Variants in POC1A observed in about 807,000 individuals in gnomAD.
POC1A encodes POC1 centriolar protein homolog A.
Under a neutral mutation model 47.8 loss-of-function variants are expected in POC1A, and 34 were observed. That is an observed-to-expected ratio of 0.71 (90% CI 0.54 to 0.95). The LOEUF (loss-of-function observed/expected upper bound fraction) is 0.95, where lower values mean the gene tolerates loss of function less well. Among genes scored for constraint, POC1A ranks in the 40% least tolerant of loss-of-function variants. The pLI, the probability that POC1A is intolerant of heterozygous loss-of-function variation, is 0.00. For synonymous variants in POC1A, 177 were observed against 207.6 expected (o/e 0.85, Z 1.27); for missense variants, 466 against 528.3 (o/e 0.88, Z 1.16).
chr3:52,076,420 A>C (rs963086303), intron 10 of POC1A, among the ~76,000 whole-genome samples: 1 of 152,202 alleles, frequency 6.6e-6, no homozygotes, highest in African/African-American at 2.4e-5. Flanking sequence ...TCCAGAGGTG[A>C]GAAAATTGCA....
rs146828889 is a variant in POC1A, at chr3:52,115,037, C to T, written c.981+7342G>A. Among the ~76,000 whole-genome samples the T allele has an allele frequency of 1.9e-3, 293 of 152,322 alleles. 2 individuals are homozygous for T. The highest frequency in any genetic ancestry group is 6.5e-3 in the African/African-American group (270 of 41,578). On this transcript the variant is annotated intron_variant, in intron 9 of 10. Coordinates refer to ENST00000296484, the MANE Select transcript of POC1A (RefSeq NM_015426.5). ...GCCCAAGGGCACGGGCAGCTTGAGG[C>T]GTCGGGGGTTTGGGCTCCATGAAGC...
In POC1A at chr3:52,075,480, T is replaced by C. The variant is rs78322606; in HGVS notation, c.*407A>G. The C allele has an allele frequency of 6.5e-3, 1,133 of 174,588 alleles. 18 individuals are homozygous for C. Among genetic ancestry groups the C allele is most frequent in the African/African-American group, 0.025 (1,068 of 42,628 alleles). The allele number at this position is 174,588 out of a possible 1,614,324, so 10.8% of individuals were successfully genotyped here. Reference sequence around the variant, plus strand: ...CTCATCCAATCAATGTGCAATCAATTTCTACACCATGGCAGAGGTAGGAAA... The same window carrying C: ...CTCATCCAATCAATGTGCAATCAATCTCTACACCATGGCAGAGGTAGGAAA... On this transcript the variant is annotated 3_prime_UTR_variant, in exon 11 of 11. Transcript: ENST00000296484.
At chr3:52,114,948 G>A (rs1703509806) in intron 9 of POC1A, among the ~76,000 whole-genome samples, 1 of 152,182 alleles carries the variant, frequency 6.6e-6, no homozygotes, top group Non-Finnish European at 1.5e-5. Flanking sequence ...CAGCCAAAGG[G>A]TGTGAGCAAA....
intron 6 of POC1A, among the ~76,000 whole-genome samples, chr3:52,142,632 G>A (rs1013628402): frequency 1.3e-5 from 2 of 152,206 alleles, no homozygotes; most frequent in Admixed American, 6.5e-5. Context: ...ACACCCGAAG[G>A]CCATTCTGGA....
intron 10 of POC1A, among the ~76,000 whole-genome samples, chr3:52,091,834 G>A (rs984049316): frequency 6.6e-6 from 1 of 152,188 alleles, no homozygotes; most frequent in East Asian, 1.9e-4. Flanking sequence ...AGTTAACCAA[G>A]AGCCGCACAG....
chr3:52,100,682 G>A (rs1045499369), intron 9 of POC1A, among the ~76,000 whole-genome samples: 1 of 152,070 alleles, frequency 6.6e-6, no homozygotes, highest in East Asian at 1.9e-4. Context: ...GAACCCCCAG[G>A]TGCCACAGAC....
chr3:52,133,815 G>T (rs1315163274), intron 7 of POC1A, among the ~76,000 whole-genome samples: 1 of 152,158 alleles, frequency 6.6e-6, no homozygotes, highest in Non-Finnish European at 1.5e-5. Flanking sequence ...GAGCCCCCAT[G>T]CCCAGGTCAA....
intron 7 of POC1A, among the ~76,000 whole-genome samples, chr3:52,128,124 G>C (rs965359399): frequency 1.3e-5 from 2 of 152,224 alleles, no homozygotes; most frequent in African/African-American, 4.8e-5. Context: ...CCAGTACATG[G>C]AATGTCAAAA....
chr3:52,143,430 C>T (rs916903634), intron 6 of POC1A, among the ~76,000 whole-genome samples: 27 of 152,180 alleles, frequency 1.8e-4, no homozygotes, highest in African/African-American at 1.4e-4. Flanking sequence ...CAACCCTCTT[C>T]ACAAGACCCC....
chr3:52,102,209 T>C (rs781624498), intron 9 of POC1A, among the ~76,000 whole-genome samples: 1 of 152,224 alleles, frequency 6.6e-6, no homozygotes, highest in Non-Finnish European at 1.5e-5. Context: ...ATCTTTTCAA[T>C]AGCACCAAAA....
Position 52,079,857 on chromosome 3 carries a change from C to T in POC1A, c.1126-3872G>A, listed in dbSNP as rs1381024256. ...TCCACAGTGCGGCCCCTTCTGTCTG[C>T]TGACCTTGGAGAAACCAGGCAGCTC... On this transcript the variant is annotated intron_variant, in intron 10 of 10. Transcript: ENST00000296484. This position sits in a 1 kb window ranked among gnomAD's most constrained non-coding sequence, Gnocchi z 4.6. Among the ~76,000 whole-genome samples, 1 of 152,222 alleles carries T rather than the reference C, an allele frequency of 6.6e-6. No individual in the cohort carries two copies. The highest frequency in any genetic ancestry group is 2.4e-5 in the African/African-American group (1 of 41,448).
chr3:52,098,842 C>A (rs1242472622), intron 9 of POC1A, among the ~76,000 whole-genome samples: 8 of 152,180 alleles, frequency 5.3e-5, no homozygotes, highest in Non-Finnish European at 1.2e-4. Context: ...ATACGTGTAA[C>A]CTCACTTCAT....
intron 7 of POC1A, among the ~76,000 whole-genome samples, chr3:52,126,768 G>T (rs532607880): frequency 1.3e-5 from 2 of 152,138 alleles, no homozygotes; most frequent in Admixed American, 6.5e-5. Context: ...AAAGAAAAGC[G>T]GGCCAAAGTC....
chr3:52,105,831 G>T (rs1289179277), intron 9 of POC1A, among the ~76,000 whole-genome samples: 1 of 152,214 alleles, frequency 6.6e-6, no homozygotes, highest in Non-Finnish European at 1.5e-5. Context: ...CATCTAGGGG[G>T]TATGAACATG....
chr3:52,099,908 G>A (rs562430162), intron 9 of POC1A, among the ~76,000 whole-genome samples: 41 of 152,204 alleles, frequency 2.7e-4, no homozygotes, highest in African/African-American at 9.4e-4. Flanking sequence ...ACATATACTC[G>A]TATAGGCCTA....
chr3:52,151,258 T>C, intron 1 of POC1A, 158 bp from the exon 2 acceptor site: 1 of 1,047,588 alleles, frequency 9.5e-7, no homozygotes, highest in South Asian at 1.9e-5. Flanking sequence ...TAGGATTAGT[T>C]TTTACTAGGA....
At chr3:52,106,204 A>T (rs1404282338) in intron 9 of POC1A, among the ~76,000 whole-genome samples, 1 of 146,362 alleles carries the variant, frequency 6.8e-6, no homozygotes, top group South Asian at 2.2e-4. Context: ...AAAAAAAAAG[A>T]AAGTTCAGAG....
intron 6 of POC1A, among the ~76,000 whole-genome samples, chr3:52,140,612 T>A (rs1469712476): frequency 6.6e-6 from 1 of 152,116 alleles, no homozygotes; most frequent in African/African-American, 2.4e-5. Context: ...CCACTCCACA[T>A]AAATGCCAGG....
In POC1A at chr3:52,149,813, C is replaced by T. The variant is rs1259224993; in HGVS notation, c.275+3G>A. On this transcript the variant is annotated splice_donor_region_variant and intron_variant, in intron 3 of 10. Coordinates refer to ENST00000296484, the MANE Select transcript of POC1A (RefSeq NM_015426.5). Reference sequence around the variant, plus strand: ...ACAAGCCTCCTCAAAGTGTACGACTCACACATTGGGTACCCAGATGCGGAC... The same window carrying T: ...ACAAGCCTCCTCAAAGTGTACGACTTACACATTGGGTACCCAGATGCGGAC... 1.2e-6 allele frequency: 2 copies of T among 1,612,448 alleles called. No homozygotes were observed. The highest frequency in any genetic ancestry group is 1.1e-5 in the South Asian group (1 of 90,956).
Sources: gnomAD v4.1 joint callset for allele counts (sites outside exome capture counted in the v4.1 genomes callset) on GRCh38, gnomAD v4.1.1 for gene constraint, Gnocchi (gnomAD v3.1) non-coding constraint, MANE v1.5 for transcripts, NCBI Gene and HGNC (gene_info 2026-07-23, HGNC 2026-07-21) for gene names.